The following CASC3 variants were observed in gnomAD, a reference collection of about 807,000 sequenced individuals.
The protein encoded by CASC3 is protein CASC3.
Under a neutral mutation model 80.5 loss-of-function variants are expected in CASC3, and 30 were observed. The ratio of observed to expected loss-of-function variants is 0.37; its 90% CI spans 0.28 to 0.51. CASC3 has a LOEUF of 0.51. Among genes scored for constraint, CASC3 ranks in the 20% least tolerant of loss-of-function variants. CASC3 has a pLI of 0.94. For synonymous variants in CASC3, 312 were observed against 333.6 expected, an observed-to-expected ratio of 0.94 and a Z score of 0.70; for missense variants, 824 against 922.2, an observed-to-expected ratio of 0.89 and a Z score of 1.38.
At chr17:40,150,500 G>C (rs1218839694) in intron 3 of CASC3, among the ~76,000 whole-genome samples, 1 of 151,874 alleles carries the variant, frequency 6.6e-6, no homozygotes, top group African/African-American at 2.4e-5. Flanking sequence ...GCAGACATTT[G>C]AATTGATCCA....
In CASC3 at chr17:40,167,533, C is replaced by T. The variant is rs1989481544; in HGVS notation, c.1572C>T (p.Ser524=). ...GTGGTCGAGCCAAACGCTATTCATC[C>T]CAGCGGCAAAGACCTGTGCCAGAGC... ...VQGGRAKRYS[S]QRQRPVPEPP... Residue 524 remains serine, a synonymous_variant, in exon 9 of 14, where the codon TCC becomes TCT. Transcript: ENST00000264645. 6.2e-7 allele frequency: 1 copy of T among 1,613,928 alleles called. No homozygotes were observed. Among genetic ancestry groups the T allele is most frequent in the Non-Finnish European group, 8.5e-7 (1 of 1,180,008 alleles).
chr17:40,169,699 A>G, intron 13 of CASC3, 37 bp downstream of exon 13: 1 of 1,079,400 alleles, frequency 9.3e-7, no homozygotes, highest in Non-Finnish European at 1.3e-6. Flanking sequence ...TGTTAAAACT[A>G]ATGCTCACAC....
intron 13 of CASC3, 80 bp from the exon 14 acceptor site, chr17:40,170,367 G>A: frequency 8.6e-6 from 8 of 930,284 alleles, no homozygotes; most frequent in Non-Finnish European, 1.0e-5. Context: ...TAGAAGTGTG[G>A]CTTTTTGAAA....
chr17:40,157,160 A>G (rs1326417708), intron 3 of CASC3, among the ~76,000 whole-genome samples: 4 of 151,694 alleles, frequency 2.6e-5, no homozygotes, highest in Non-Finnish European at 4.4e-5. Flanking sequence ...CCTGGCTAAC[A>G]TGGTGAAACC....
In CASC3 at chr17:40,140,770, G is replaced by T. The variant is rs1349888954; in HGVS notation, c.222G>T (p.Glu74Asp). The change falls in exon 1 of 14, where the codon GAG becomes GAT. Residue 74 changes from glutamate to aspartate, a missense_variant. By Grantham distance (45) the Glu-to-Asp change is conservative. Coordinates refer to ENST00000264645, the MANE Select transcript of CASC3 (RefSeq NM_007359.5). ...GCGGGGGCGCCAAGAGTGCTGAGGA[G>T]TCGGAGTGTGTGAGTGCGCGCAGGC... ...VESGGAKSAE[E>D]SECESEDGIE... is the part of the protein sequence containing the mutation. 20 of 1,489,044 alleles carry T rather than the reference G, an allele frequency of 1.3e-5. No homozygotes were observed. Among genetic ancestry groups the T allele is most frequent in the African/African-American group, 2.9e-5 (2 of 69,980 alleles). 92.2% of individuals were successfully genotyped at this position (1,489,044 alleles called of 1,614,324 possible).
At chr17:40,157,003 A>G (rs1246843853) in intron 3 of CASC3, among the ~76,000 whole-genome samples, 2 of 151,866 alleles carry the variant, frequency 1.3e-5, no homozygotes, top group Non-Finnish European at 2.9e-5. Flanking sequence ...TGATCACACC[A>G]CTACACTCTA....
chr17:40,147,544 G>A (rs1019116522), intron 3 of CASC3, among the ~76,000 whole-genome samples: 6 of 152,086 alleles, frequency 3.9e-5, no homozygotes, highest in African/African-American at 1.2e-4. Flanking sequence ...CTACTGAGGA[G>A]GTTCAGGCAG....
chr17:40,161,094 C>T (rs548981903), intron 3 of CASC3, among the ~76,000 whole-genome samples: 1 of 152,118 alleles, frequency 6.6e-6, no homozygotes, highest in South Asian at 2.1e-4. Context: ...ATTTTCCTGC[C>T]TCAGCCTCCC....
chr17:40,151,154 G>A (rs1024357696), intron 3 of CASC3, among the ~76,000 whole-genome samples: 6 of 152,110 alleles, frequency 3.9e-5, no homozygotes, highest in East Asian at 1.9e-4. Context: ...AGGAATGGTC[G>A]GCCCAGGAGT....
At position 40,140,754 on chromosome 17, in the gene CASC3, C is replaced by G. The variant is rs531575982; in HGVS notation, c.206C>G (p.Ala69Gly). Residue 69 changes from alanine to glycine, a missense_variant, in exon 1 of 14, where the codon GCC becomes GGC. By Grantham distance (60) the Ala-to-Gly change is moderately conservative. Transcript: ENST00000264645. ...CTGCGGCGGGTGGAGAGCGGGGGCG[C>G]CAAGAGTGCTGAGGAGTCGGAGTGT... Reference protein sequence around the residue: ...LHLRRVESGGAKSAEESECES... With the variant: ...LHLRRVESGGGKSAEESECES... 6.6e-6 allele frequency: 10 copies of G among 1,513,610 alleles called. No individual in the cohort carries two copies. Among genetic ancestry groups the G allele is most frequent in the Non-Finnish European group, 8.8e-6 (10 of 1,131,014 alleles). The allele number at this position is 1,513,610 out of a possible 1,614,324, so 93.8% of individuals were successfully genotyped here. A position where few individuals can be genotyped will look rare whatever the true frequency, so the allele number is the denominator to read the frequency against.
chr17:40,159,554 T>G (rs1598427396), intron 3 of CASC3, among the ~76,000 whole-genome samples: 2 of 149,182 alleles, frequency 1.3e-5, no homozygotes, highest in South Asian at 2.1e-4. Flanking sequence ...GTTTTTTTTT[T>G]TTTTTTTTTG....
rs1989333498 is a variant in CASC3 at position 40,162,714 on chromosome 17, A to G, written c.609-11A>G. 2 of 1,612,258 alleles carry G rather than the reference A, an allele frequency of 1.2e-6. No homozygotes were observed. Among genetic ancestry groups the G allele is most frequent in the Non-Finnish European group, 1.7e-6 (2 of 1,179,588 alleles). On this transcript the variant is annotated splice_polypyrimidine_tract_variant and intron_variant, in intron 5 of 13. Transcript: ENST00000264645. ...TGCTGACCCAAGACACTTTTCCTTC[A>G]TTTTATCCAGACCCAAGGGGCGTCA...
At position 40,162,172 on chromosome 17, in the gene CASC3, T is replaced by C; in HGVS notation, c.608+19T>C. 2 of 1,608,224 alleles carry C rather than the reference T, an allele frequency of 1.2e-6. No homozygotes were observed. Among genetic ancestry groups the C allele is most frequent in the East Asian group, 4.5e-5 (2 of 44,854 alleles). ...AAGTCAGGTAAAAGCCACTTGCTGC[T>C]GCTGCTGTCTAACATGTATTTTACA... On this transcript the variant is annotated intron_variant, in intron 5 of 13. Coordinates refer to ENST00000264645, the MANE Select transcript of CASC3 (RefSeq NM_007359.5).
Position 40,161,970 on chromosome 17 carries a change from G to T in CASC3, c.457-32G>T, listed in dbSNP as rs370362076. 63 of 1,612,520 alleles carry T rather than the reference G, an allele frequency of 3.9e-5. No individual in the cohort carries two copies. The African/African-American group carries it at 8.4e-4, about 22-fold the overall frequency. On this transcript the variant is annotated intron_variant, in intron 4 of 13. Transcript: ENST00000264645. ...CTGGAATAGAGATTCTTGAGGCTTG[G>T]AAGAGTAAGGATCCCTTTATCTGTC...
At chr17:40,165,686 C>T (rs1989430023) in intron 7 of CASC3, among the ~76,000 whole-genome samples, 1 of 151,756 alleles carries the variant, frequency 6.6e-6, no homozygotes, top group Non-Finnish European at 1.5e-5. Context: ...ACAGATTGCC[C>T]AATAGAACTT....
chr17:40,154,547 T>A (rs1056936562), intron 3 of CASC3, among the ~76,000 whole-genome samples: 6 of 152,060 alleles, frequency 3.9e-5, no homozygotes, highest in South Asian at 2.1e-4. Context: ...TTTTTTTTTT[T>A]AATTGAGATG....
At chr17:40,167,788 C>T in intron 9 of CASC3, 62 bp from the exon 10 acceptor site, 4 of 1,464,902 alleles carry the variant, frequency 2.7e-6, no homozygotes, top group Non-Finnish European at 2.9e-6. Flanking sequence ...GCTTGGGGAA[C>T]AAGGAGACTT....
At chr17:40,144,302 T>C (rs764662354) in intron 3 of CASC3, among the ~76,000 whole-genome samples, 1 of 151,572 alleles carries the variant, frequency 6.6e-6, no homozygotes, top group East Asian at 1.9e-4. Flanking sequence ...TACATAAATA[T>C]ATACCTACTG....
chr17:40,157,396 C>T (rs1046839552), intron 3 of CASC3, among the ~76,000 whole-genome samples: 3 of 151,310 alleles, frequency 2.0e-5, no homozygotes, highest in African/African-American at 7.3e-5. Context: ...TTAAAAGGGG[C>T]TGGGCGTGGT....
Sources: gnomAD v4.1 joint callset for allele counts (sites outside exome capture counted in the v4.1 genomes callset) on GRCh38, gnomAD v4.1.1 for gene constraint, MANE v1.5 for transcripts, NCBI Gene and HGNC (gene_info 2026-07-23, HGNC 2026-07-21) for gene names.